The following HPSE2 variants were observed in gnomAD, a reference collection of about 807,000 sequenced individuals.
The protein encoded by HPSE2 is inactive heparanase-2.
Under a neutral mutation model 60.5 loss-of-function variants are expected in HPSE2, and 38 were observed. That is an observed-to-expected ratio of 0.63 (90% CI 0.48 to 0.82). The LOEUF (loss-of-function observed/expected upper bound fraction) is 0.82, where lower values mean the gene tolerates loss of function less well. Ranked by LOEUF, HPSE2 falls within the 40% of genes least tolerant of loss-of-function variation. HPSE2 has a pLI of 0.00. For synonymous variants in HPSE2, 295 were observed against 293.2 expected (o/e 1.01, Z -0.06); for missense variants, 713 against 740.4 (o/e 0.96, Z 0.43).
intron 3 of HPSE2, among the ~76,000 whole-genome samples, chr10:98,750,230 T>C (rs1949728566): frequency 6.6e-6 from 1 of 152,036 alleles, no homozygotes. Context: ...AAGACTCATG[T>C]GAGACTGATG....
intron 6 of HPSE2, among the ~76,000 whole-genome samples, chr10:98,667,953 TA>T (rs1356682529): frequency 7.9e-5 from 12 of 152,070 alleles, no homozygotes; most frequent in Non-Finnish European, 1.5e-4. Flanking sequence ...GACAAAGAAA[TA>T]AAAGGCATCC....
intron 2 of HPSE2, among the ~76,000 whole-genome samples, chr10:99,174,003 T>G (rs960976424): frequency 4.6e-5 from 7 of 150,804 alleles, no homozygotes; most frequent in Non-Finnish European, 1.0e-4. Context: ...ATTACAATAT[T>G]AATTATTGTC....
chr10:98,723,404 G>A (rs10732783), intron 4 of HPSE2, among the ~76,000 whole-genome samples: 143,993 of 152,216 alleles, frequency 0.95, 68,599 homozygotes, highest in East Asian at 1. Context: ...ATGTTCATCA[G>A]GGATATTGGT....
chr10:98,494,579 C>A (rs981841291), intron 9 of HPSE2, among the ~76,000 whole-genome samples: 46 of 152,218 alleles, frequency 3.0e-4, no homozygotes, highest in African/African-American at 9.9e-4. Flanking sequence ...AATGTTAGCA[C>A]AGGTCTTTGA....
intron 3 of HPSE2, among the ~76,000 whole-genome samples, chr10:99,046,125 A>G (rs1957849183): frequency 6.6e-6 from 1 of 152,188 alleles, no homozygotes; most frequent in Non-Finnish European, 1.5e-5. Context: ...TAAAAAGTCA[A>G]TATACCAGAA....
intron 3 of HPSE2, among the ~76,000 whole-genome samples, chr10:98,889,253 G>A (rs1953262998): frequency 6.6e-6 from 1 of 151,896 alleles, no homozygotes; most frequent in Admixed American, 6.6e-5. Flanking sequence ...CCCAGGTTGG[G>A]CTGACTGCAA....
intron 3 of HPSE2, among the ~76,000 whole-genome samples, chr10:98,963,133 T>C (rs991337620): frequency 6.6e-6 from 1 of 152,206 alleles, no homozygotes; most frequent in African/African-American, 2.4e-5. Context: ...TACTCACTAT[T>C]TAAATATCAG....
intron 9 of HPSE2, among the ~76,000 whole-genome samples, chr10:98,491,954 G>A (rs1226035971): frequency 2.0e-5 from 3 of 152,186 alleles, no homozygotes; most frequent in Admixed American, 6.5e-5. Flanking sequence ...CACTCACAAA[G>A]CATTTAGAAC....
intron 3 of HPSE2, among the ~76,000 whole-genome samples, chr10:99,056,945 G>A (rs1248062789): frequency 6.6e-6 from 1 of 152,174 alleles, no homozygotes; most frequent in Admixed American, 6.5e-5. Context: ...CAAAGTAGAT[G>A]AGTATTGAGA....
intron 9 of HPSE2, among the ~76,000 whole-genome samples, chr10:98,567,965 G>A (rs1944394375): frequency 6.6e-6 from 1 of 152,144 alleles, no homozygotes; most frequent in African/African-American, 2.4e-5. Context: ...ACACATCTGG[G>A]ATCAAGCATG....
chr10:99,152,173 T>C (rs369492040), intron 2 of HPSE2, among the ~76,000 whole-genome samples: 5 of 152,030 alleles, frequency 3.3e-5, no homozygotes, highest in East Asian at 3.9e-4. Flanking sequence ...TAGCCAGGCA[T>C]GGTGGCAGGC....
chr10:98,944,941 T>C (rs1955135500), intron 3 of HPSE2, among the ~76,000 whole-genome samples: 1 of 152,158 alleles, frequency 6.6e-6, no homozygotes, highest in South Asian at 2.1e-4. Context: ...CCATTATGCC[T>C]CTTTTTATGA....
At chr10:98,679,659 C>T (rs1215786894) in intron 6 of HPSE2, among the ~76,000 whole-genome samples, 1 of 152,030 alleles carries the variant, frequency 6.6e-6, no homozygotes, top group Non-Finnish European at 1.5e-5. Flanking sequence ...CTTGTGCCTA[C>T]ATGGAAATAA....
chr10:98,735,943 T>A (rs1056107607), intron 4 of HPSE2, among the ~76,000 whole-genome samples: 19 of 152,236 alleles, frequency 1.2e-4, no homozygotes, highest in African/African-American at 4.6e-4. Flanking sequence ...GGTTAAGACT[T>A]TGGGGTACTG....
At chr10:98,816,578 C>T (rs933895579) in intron 3 of HPSE2, among the ~76,000 whole-genome samples, 1 of 152,144 alleles carries the variant, frequency 6.6e-6, no homozygotes, top group Non-Finnish European at 1.5e-5. Context: ...TGGAATGTTT[C>T]GATAGACTTG....
chr10:99,132,803 G>A (rs1340496521), intron 3 of HPSE2, among the ~76,000 whole-genome samples: 1 of 152,160 alleles, frequency 6.6e-6, no homozygotes, highest in East Asian at 1.9e-4. Context: ...CACAAAACTG[G>A]GTGGCCATTT....
chr10:99,159,309 G>A (rs921863081), intron 2 of HPSE2, among the ~76,000 whole-genome samples: 2 of 152,114 alleles, frequency 1.3e-5, no homozygotes, highest in African/African-American at 4.8e-5. Context: ...TAGGGAGGGA[G>A]GCATTTTCAA....
chr10:98,621,098 G>C (rs999312060), intron 7 of HPSE2, among the ~76,000 whole-genome samples: 2 of 151,878 alleles, frequency 1.3e-5, no homozygotes, highest in African/African-American at 4.8e-5. Context: ...TATGACACAC[G>C]TACTCCCTAA....
intron 3 of HPSE2, among the ~76,000 whole-genome samples, chr10:98,931,493 A>G (rs1180840384): frequency 6.9e-6 from 1 of 143,896 alleles, no homozygotes; most frequent in Non-Finnish European, 1.5e-5. Context: ...GTTTTTTCTA[A>G]TTCTGTGAAG....
Sources: gnomAD v4.1 joint callset for allele counts (sites outside exome capture counted in the v4.1 genomes callset) on GRCh38, gnomAD v4.1.1 for gene constraint, MANE v1.5 for transcripts, NCBI Gene and HGNC (gene_info 2026-07-23, HGNC 2026-07-21) for gene names.